The following RTN4 variants were observed in gnomAD, a reference collection of about 807,000 sequenced individuals.
RTN4 encodes reticulon 4.
Under a neutral mutation model 90.4 loss-of-function variants are expected in RTN4, and 32 were observed. The observed-to-expected ratio is 0.35, with a 90% CI of 0.27 to 0.48. The LOEUF (loss-of-function observed/expected upper bound fraction) is 0.48. Ranked by LOEUF, RTN4 falls within the 20% of genes least tolerant of loss-of-function variation. The probability of loss-of-function intolerance (pLI) is 0.99; values close to 1 mark genes in which losing one functional copy is unlikely to be tolerated. For synonymous variants in RTN4, 629 were observed against 552.5 expected (o/e 1.14, Z -1.94); for missense variants, 1,706 against 1,430.2 (o/e 1.19, Z -3.11).
intron 1 of RTN4, among the ~76,000 whole-genome samples, chr2:55,039,908 G>C (rs1682957926): frequency 6.6e-6 from 1 of 152,136 alleles, no homozygotes; most frequent in Admixed American, 6.5e-5. Flanking sequence ...ACATGTTTGA[G>C]TCTATCAATC....
Position 55,104,415 on chromosome 2 carries a change from C to T in RTN4, c.-214+8105G>A, listed in dbSNP as rs146536872. Among the ~76,000 whole-genome samples, 18 of 151,650 alleles carry T rather than the reference C, an allele frequency of 1.2e-4. 1 individual carries two copies. Among genetic ancestry groups the T allele is most frequent in the South Asian group, 4.2e-4 (2 of 4,812 alleles). On this transcript the variant is annotated intron_variant, in intron 1 of 3. Coordinates refer to the RTN4 transcript ENST00000427710. Reference sequence around the variant, plus strand: ...TTGCCCAGGCTGGAGTGCAGCGTTGCGATCTCAGCTCACTGCAACCTCCGC... The same window carrying T: ...TTGCCCAGGCTGGAGTGCAGCGTTGTGATCTCAGCTCACTGCAACCTCCGC...
At chr2:55,118,479 C>T in the RTN4 span, among the ~76,000 whole-genome samples, 1 of 152,086 alleles carries the variant, frequency 6.6e-6, no homozygotes, top group South Asian at 2.1e-4. Flanking sequence ...AAAAAAGACA[C>T]CCAGGAAGAA....
intron 2 of RTN4, among the ~76,000 whole-genome samples, chr2:55,057,690 C>T (rs1668214051): frequency 6.6e-6 from 1 of 152,128 alleles, no homozygotes; most frequent in South Asian, 2.1e-4. Flanking sequence ...AGGATGGGTA[C>T]TAAGAGTAGT....
At chr2:55,053,889 C>T (rs940982844), upstream of RTN4, among the ~76,000 whole-genome samples, 1 of 151,988 alleles carries the variant, frequency 6.6e-6, no homozygotes, top group Admixed American at 6.6e-5. Context: ...TTATCATGGT[C>T]TCACTTATAA....
intron 3 of RTN4, among the ~76,000 whole-genome samples, chr2:55,016,277 A>T (rs886139616): frequency 6.6e-6 from 1 of 152,100 alleles, no homozygotes; most frequent in Non-Finnish European, 1.5e-5. Context: ...AAACACTATT[A>T]CATTCTTAAA....
chr2:55,096,043 G>A (rs1010409111), intron 1 of RTN4, among the ~76,000 whole-genome samples: 6 of 152,118 alleles, frequency 3.9e-5, no homozygotes, highest in Admixed American at 3.3e-4. Context: ...AAGAGCGCAT[G>A]CTGGGCCGGG....
intron 2 of RTN4, among the ~76,000 whole-genome samples, chr2:55,071,822 A>G (rs1292482761): frequency 6.6e-6 from 1 of 152,234 alleles, no homozygotes; most frequent in Non-Finnish European, 1.5e-5. Context: ...TGTAAAGATC[A>G]TAAACAGTTT....
chr2:55,118,464 C>CA, the RTN4 span, among the ~76,000 whole-genome samples: 73 of 143,970 alleles, frequency 5.1e-4, no homozygotes, highest in South Asian at 0.013. Context: ...GACCCTGTCT[C>CA]AAAAAAAAAA....
intron 1 of RTN4, among the ~76,000 whole-genome samples, chr2:55,044,763 T>C (rs2104956028): frequency 7.3e-6 from 1 of 136,368 alleles, no homozygotes; most frequent in South Asian, 2.2e-4. Flanking sequence ...TTAAAAAGGA[T>C]TTGAGAGAGT....
chr2:55,007,590 A>G (rs1189687422), intron 3 of RTN4, among the ~76,000 whole-genome samples: 2 of 152,094 alleles, frequency 1.3e-5, no homozygotes, highest in East Asian at 1.9e-4. Context: ...TACCAGAACC[A>G]AGGCTTAAAC....
At chr2:55,080,779 G>A (rs182284422) in intron 1 of RTN4, 1 of 152,264 alleles carries the variant, frequency 6.6e-6, no homozygotes, top group Admixed American at 6.5e-5. Context: ...AGCCAGTAAA[G>A]TGTTTTTGCA....
intron 3 of RTN4, among the ~76,000 whole-genome samples, chr2:55,014,770 C>G (rs1417609010): frequency 6.6e-6 from 1 of 152,118 alleles, no homozygotes; most frequent in Non-Finnish European, 1.5e-5. Context: ...CCGCCTTAGC[C>G]TCCCAAAGTG....
chr2:55,069,690 A>G (rs1334628527), intron 2 of RTN4, among the ~76,000 whole-genome samples: 4 of 152,224 alleles, frequency 2.6e-5, no homozygotes, highest in Admixed American at 6.5e-5. Flanking sequence ...GCAGATAAGC[A>G]GTCTCCCAGA....
chr2:55,127,163 A>T, the RTN4 span, among the ~76,000 whole-genome samples: 1 of 152,176 alleles, frequency 6.6e-6, no homozygotes, highest in African/African-American at 2.4e-5. Context: ...ATCTAAAATA[A>T]AAGTTTAAAA....
At chr2:54,998,677 T>C (rs902764022) in intron 3 of RTN4, among the ~76,000 whole-genome samples, 2 of 152,212 alleles carry the variant, frequency 1.3e-5, no homozygotes, top group Non-Finnish European at 2.9e-5. Flanking sequence ...ACATCATTAA[T>C]GCTTGCTGCA....
At chr2:55,117,302 T>C (rs1368982413), upstream of RTN4, among the ~76,000 whole-genome samples, 1 of 152,212 alleles carries the variant, frequency 6.6e-6, no homozygotes, top group Non-Finnish European at 1.5e-5. Flanking sequence ...GGTTGAATAT[T>C]GGGTTTCGAG....
At chr2:55,093,070 TAAG>T (rs774280541) in intron 1 of RTN4, among the ~76,000 whole-genome samples, 1 of 152,214 alleles carries the variant, frequency 6.6e-6, no homozygotes, top group Non-Finnish European at 1.5e-5. Flanking sequence ...TATCAGAAGA[TAAG>T]AGCCTTGCAT....
chr2:55,050,792 G>T (rs1440682267), upstream of RTN4: 1 of 127,898 alleles, frequency 7.8e-6, no homozygotes, highest in Non-Finnish European at 1.7e-5. The surrounding 1 kb of genome is among the most constrained non-coding windows in gnomAD (Gnocchi z 4.6). Context: ...GTGAGTTGGG[G>T]TGGGGTCTTG....
At position 55,050,188 on chromosome 2, in the gene RTN4, T is replaced by A; in HGVS notation, c.113A>T (p.Glu38Val). Residue 38 changes from glutamate to valine, a missense_variant, in exon 1 of 9, where the codon GAG (glutamate) becomes GTG (valine). Coordinates refer to ENST00000337526, the MANE Select transcript of RTN4 (RefSeq NM_020532.5). The surrounding 1 kb of genome is among the most constrained non-coding windows in gnomAD (Gnocchi z 4.6). The part of the protein sequence containing the change: ...VREPEDEEEE[E>V]EEEEEDEDED... Reference sequence around the variant, plus strand: ...GTCCTCGTCCTCCTCTTCCTCCTCCTCTTCTTCCTCCTCGTCCTCGGGCTC... The same window carrying A: ...GTCCTCGTCCTCCTCTTCCTCCTCCACTTCTTCCTCCTCGTCCTCGGGCTC... 1.3e-6 allele frequency: 2 copies of A among 1,570,630 alleles called. No homozygotes were observed. Among genetic ancestry groups the A allele is most frequent in the Non-Finnish European group, 1.7e-6 (2 of 1,163,514 alleles).
Sources: allele counts gnomAD v4.1 joint callset (sites outside exome capture counted in the v4.1 genomes callset), GRCh38; gene constraint gnomAD v4.1.1; non-coding constraint Gnocchi (gnomAD v3.1); transcripts MANE v1.5; gene names NCBI Gene and HGNC (gene_info 2026-07-23, HGNC 2026-07-21).